ALOX5AP: variants seen among roughly 807,000 people sequenced by gnomAD.
ALOX5AP encodes arachidonate 5-lipoxygenase activating protein, also known as arachidonate 5-lipoxygenase-activating protein.
ALOX5AP carries 9 observed loss-of-function variants against 18.5 expected under a neutral mutation model. The observed-to-expected ratio is 0.49, with a 90% CI of 0.29 to 0.85. ALOX5AP has a LOEUF of 0.85. Among genes scored for constraint, ALOX5AP ranks in the 40% least tolerant of loss-of-function variants. ALOX5AP has a pLI of 0.08. For synonymous variants in ALOX5AP, 81 were observed against 78.6 expected (o/e 1.03, Z -0.16); for missense variants, 172 against 202.5 (o/e 0.85, Z 0.91).
At position 30,764,272 on chromosome 13, in the gene ALOX5AP, T is replaced by G. The variant is rs892615833; in HGVS notation, c.*166T>G. On this transcript the variant is annotated 3_prime_UTR_variant, in exon 5 of 5. Coordinates refer to ENST00000380490, the MANE Select transcript of ALOX5AP (RefSeq NM_001629.4). ...TTGCTTTTCCGGGAACAAAATGATGTCATGTCAGCTCCGCCCCTTGAACAT... is the reference window on the plus strand; with the variant it reads ...TTGCTTTTCCGGGAACAAAATGATGGCATGTCAGCTCCGCCCCTTGAACAT... The G allele has an allele frequency of 1.7e-5, 12 of 696,470 alleles. No homozygotes were observed. In the South Asian group the frequency reaches 1.8e-4, roughly 11 times the overall value. The allele number at this position is 696,470 out of a possible 1,614,324, so 43.1% of individuals were successfully genotyped here.
At position 30,728,422 on chromosome 13, in the gene ALOX5AP, G is replaced by A. The variant is rs531082179; in HGVS notation, c.117-7129G>A. 2.6e-5 allele frequency among the ~76,000 whole-genome samples: 4 copies of A among 152,180 alleles called. No homozygotes were observed. The South Asian group carries it at 8.3e-4, about 32-fold the overall frequency. On this transcript the variant is annotated intron_variant, in intron 1 of 5. Coordinates refer to the ALOX5AP transcript ENST00000617770. ...TAATCAACCTCCATAATTGCATAAG[G>A]TCTAATCCCTATAATAAATCCCTTA...
At chr13:30,749,610 C>T (rs902576963) in intron 2 of ALOX5AP, among the ~76,000 whole-genome samples, 1 of 152,182 alleles carries the variant, frequency 6.6e-6, no homozygotes, top group Non-Finnish European at 1.5e-5. Context: ...CACTTCACCC[C>T]AGTGATAAAT....
intron 2 of ALOX5AP, among the ~76,000 whole-genome samples, chr13:30,750,757 G>T (rs939557370): frequency 1.3e-5 from 2 of 152,334 alleles, no homozygotes; most frequent in South Asian, 4.1e-4. Context: ...AAAATAAAGA[G>T]ATTATCCTGG....
At chr13:30,739,618 A>G (rs1446796973) in intron 1 of ALOX5AP, among the ~76,000 whole-genome samples, 2 of 152,144 alleles carry the variant, frequency 1.3e-5, no homozygotes, top group African/African-American at 4.8e-5. Flanking sequence ...TATTTTTAGT[A>G]AGGACAGGGT....
intron 1 of ALOX5AP, among the ~76,000 whole-genome samples, chr13:30,740,514 G>A (rs1422084420): frequency 1.3e-5 from 2 of 152,172 alleles, no homozygotes; most frequent in East Asian, 1.9e-4. Flanking sequence ...GCAGCTAGCC[G>A]AGATAAGTGT....
chr13:30,756,019 C>G lies in ALOX5AP; in HGVS notation c.317C>G (p.Thr106Arg), dbSNP rs760124781. The G allele has an allele frequency of 1.9e-6, 3 of 1,613,864 alleles. No homozygotes were observed. The highest frequency in any genetic ancestry group is 1.7e-5 in the Admixed American group (1 of 59,996). Reference sequence around the variant, plus strand: ...TTTGTCGGTTACCTAGGAGAGAGAACGCAGAGGTAGGTAACTGGGACTACT... The same window carrying G: ...TTTGTCGGTTACCTAGGAGAGAGAAGGCAGAGGTAGGTAACTGGGACTACT... ...KYFVGYLGERTQSTPGYIFGK... is the reference protein window; with the variant it reads ...KYFVGYLGERRQSTPGYIFGK... Residue 106 changes from threonine (T) to arginine (R), a missense_variant, in exon 4 of 5, where the codon ACG (threonine) becomes AGG (arginine). Physicochemically the swap from Thr to Arg is moderately conservative, Grantham distance 71. Coordinates refer to ENST00000380490, the MANE Select transcript of ALOX5AP (RefSeq NM_001629.4).
Position 30,744,197 on chromosome 13 carries a change from A to G in ALOX5AP, c.170+38A>G, listed in dbSNP as rs1469757784. The G allele has an allele frequency of 8.2e-6, 13 of 1,583,314 alleles. No individual in the cohort carries two copies. In the Admixed American group the frequency reaches 2.2e-4, roughly 26 times the overall value. On this transcript the variant is annotated intron_variant, in intron 2 of 4. Coordinates refer to ENST00000380490, the MANE Select transcript of ALOX5AP (RefSeq NM_001629.4). ...CCTGATGTTGCTAATAAGTGGGGGC[A>G]TGGGCAGGGGGGCCTCCTTCTAGGA...
At chr13:30,746,987 T>G (rs1024726529) in intron 2 of ALOX5AP, among the ~76,000 whole-genome samples, 1 of 152,186 alleles carries the variant, frequency 6.6e-6, no homozygotes, top group Non-Finnish European at 1.5e-5. Flanking sequence ...TGCTGACTGA[T>G]ACAGATAGCT....
upstream of ALOX5AP, among the ~76,000 whole-genome samples, chr13:30,731,889 C>G (rs549829027): frequency 2.0e-5 from 3 of 152,362 alleles, no homozygotes; most frequent in South Asian, 6.2e-4. Flanking sequence ...TCCGGGCAGG[C>G]AGGGCGGGCT....
chr13:30,725,667 C>T (rs1331398950), intron 1 of ALOX5AP, among the ~76,000 whole-genome samples: 1 of 152,246 alleles, frequency 6.6e-6, no homozygotes, highest in African/African-American at 2.4e-5. Flanking sequence ...GACATTTACT[C>T]TGGATATGGA....
intron 1 of ALOX5AP, among the ~76,000 whole-genome samples, chr13:30,719,712 T>C (rs1048675465): frequency 6.6e-6 from 1 of 152,226 alleles, no homozygotes; most frequent in Non-Finnish European, 1.5e-5. Flanking sequence ...AGTGAGACGA[T>C]GGACAAGTTC....
At position 30,757,553 on chromosome 13, in the gene ALOX5AP, G is replaced by A. The variant is rs17239242; in HGVS notation, c.323+1528G>A. On this transcript the variant is annotated intron_variant, in intron 4 of 4. Coordinates refer to ENST00000380490, the MANE Select transcript of ALOX5AP (RefSeq NM_001629.4). ...CCATGTGATTACCTCGTTAAGAGTG[G>A]GGGTGGAATGTCTAGCAATGAAATA... Among the ~76,000 whole-genome samples, 1,076 of 152,182 alleles carry A rather than the reference G, an allele frequency of 7.1e-3. 18 individuals carry two copies. The highest frequency in any genetic ancestry group is 0.025 in the African/African-American group (1,026 of 41,512).
intron 4 of ALOX5AP, among the ~76,000 whole-genome samples, chr13:30,759,994 C>T (rs1951928073): frequency 6.6e-6 from 1 of 152,160 alleles, no homozygotes; most frequent in Admixed American, 6.5e-5. Flanking sequence ...TCGCTGAAGG[C>T]TGTTCACTTC....
At chr13:30,718,563 C>G (rs1417716898) in intron 1 of ALOX5AP, among the ~76,000 whole-genome samples, 1 of 152,068 alleles carries the variant, frequency 6.6e-6, no homozygotes, top group Non-Finnish European at 1.5e-5. Context: ...ACTGCAAACT[C>G]TCGTGTGGCT....
rs1024920623 is a variant in ALOX5AP at position 30,720,087 on chromosome 13, C to G, written c.116+6246C>G. 2.0e-5 allele frequency among the ~76,000 whole-genome samples: 3 copies of G among 152,312 alleles called. No individual in the cohort carries two copies. In the East Asian group the frequency reaches 5.8e-4, roughly 29 times the overall value. On this transcript the variant is annotated intron_variant, in intron 1 of 5. Transcript: ENST00000617770. ...TTGTTGGCCAGGGTGGTCTTGATCT[C>G]TTGACCTCATGATCCGCCCACCTCG...
chr13:30,745,977 C>G (rs1177904179), intron 2 of ALOX5AP, among the ~76,000 whole-genome samples: 3 of 152,234 alleles, frequency 2.0e-5, no homozygotes, highest in Non-Finnish European at 4.4e-5. Context: ...TTCACCATAT[C>G]TGGTTAGAAG....
At chr13:30,753,507 C>T in intron 3 of ALOX5AP, among the ~76,000 whole-genome samples, 1 of 152,198 alleles carries the variant, frequency 6.6e-6, no homozygotes, top group East Asian at 1.9e-4. Flanking sequence ...TCAAAACAAG[C>T]TTTGTCATTG....
At chr13:30,715,896 A>G (rs1951546830) in intron 1 of ALOX5AP, among the ~76,000 whole-genome samples, 1 of 152,156 alleles carries the variant, frequency 6.6e-6, no homozygotes, top group South Asian at 2.1e-4. Flanking sequence ...ATATAGTAAT[A>G]GTAAAATATC....
At chr13:30,752,000 T>C (rs1951855568) in intron 2 of ALOX5AP, 52 bp from the exon 3 acceptor site, 1 of 1,535,356 alleles carries the variant, frequency 6.5e-7, no homozygotes, top group Non-Finnish European at 9.0e-7. Flanking sequence ...TCAGACCACA[T>C]TGCACTAACT....
Sources: allele counts gnomAD v4.1 joint callset (sites outside exome capture counted in the v4.1 genomes callset), GRCh38; gene constraint gnomAD v4.1.1; transcripts MANE v1.5; gene names NCBI Gene and HGNC (gene_info 2026-07-23, HGNC 2026-07-21).